CTNNBIP1: variants seen among roughly 807,000 people sequenced by gnomAD.
CTNNBIP1 encodes catenin beta interacting protein 1.
In CTNNBIP1, 7 loss-of-function variants were observed where a neutral mutation model predicts 11.8. The observed-to-expected ratio is 0.60, with a 90% CI of 0.34 to 1.12. The LOEUF is 1.12. Among genes scored for constraint, CTNNBIP1 ranks in the 50% most tolerant of loss-of-function variants. The probability of loss-of-function intolerance (pLI) is 0.03; values close to 1 mark genes in which losing one functional copy is unlikely to be tolerated. For missense variants in CTNNBIP1, 101 were observed against 113.4 expected, an observed-to-expected ratio of 0.89 and a Z score of 0.50; for synonymous variants, 58 against 43.9, an observed-to-expected ratio of 1.32 and a Z score of -1.26.
chr1:9,859,661 T>C (rs1638581954), intron 5 of CTNNBIP1, among the ~76,000 whole-genome samples: 1 of 152,254 alleles, frequency 6.6e-6, no homozygotes, highest in African/African-American at 2.4e-5. Flanking sequence ...CAGGCTGCTA[T>C]TGGCCCTGCA....
At chr1:9,864,547 C>T (rs1345289624) in intron 5 of CTNNBIP1, among the ~76,000 whole-genome samples, 1 of 152,164 alleles carries the variant, frequency 6.6e-6, no homozygotes, top group South Asian at 2.1e-4. Context: ...CCAGGATGGT[C>T]TCAATCTCCT....
At chr1:9,869,580 C>T (rs906608019) in intron 5 of CTNNBIP1, among the ~76,000 whole-genome samples, 2 of 152,162 alleles carry the variant, frequency 1.3e-5, no homozygotes, top group African/African-American at 4.8e-5. Context: ...CTGCCTTGGC[C>T]TCCCAAAATG....
chr1:9,868,543 T>C (rs1570570560), intron 5 of CTNNBIP1, among the ~76,000 whole-genome samples: 1 of 152,192 alleles, frequency 6.6e-6, no homozygotes, highest in African/African-American at 2.4e-5. Context: ...AAGAAACAAA[T>C]GTACAATGTT....
At chr1:9,888,969 C>T (rs1310776739) in intron 1 of CTNNBIP1, among the ~76,000 whole-genome samples, 4 of 152,246 alleles carry the variant, frequency 2.6e-5, no homozygotes, top group Non-Finnish European at 4.4e-5. Context: ...GCTGAGCCGC[C>T]TACCTACTGC....
intron 1 of CTNNBIP1, among the ~76,000 whole-genome samples, chr1:9,904,763 A>G (rs1639585954): frequency 6.6e-6 from 1 of 152,228 alleles, no homozygotes; most frequent in African/African-American, 2.4e-5. Flanking sequence ...CTGCCAAGAT[A>G]AGAAGCTTTA....
chr1:9,892,882 C>G (rs1639338810), intron 1 of CTNNBIP1: 1 of 152,136 alleles, frequency 6.6e-6, no homozygotes, highest in South Asian at 2.1e-4. Flanking sequence ...GAAACCTCCC[C>G]CTAAGAGGCT....
intron 1 of CTNNBIP1, among the ~76,000 whole-genome samples, chr1:9,892,357 G>A (rs1204308070): frequency 6.6e-6 from 1 of 151,584 alleles, no homozygotes; most frequent in Non-Finnish European, 1.5e-5. Context: ...GGGAGGCAGA[G>A]CTTGGAGTGA....
At chr1:9,866,257 G>A (rs377659864) in intron 5 of CTNNBIP1, among the ~76,000 whole-genome samples, 29 of 152,264 alleles carry the variant, frequency 1.9e-4, no homozygotes, top group African/African-American at 6.0e-4. Context: ...GGTTCCTGGC[G>A]GCCAAGAGGC....
chr1:9,908,919 G>C (rs1028506437), intron 1 of CTNNBIP1, among the ~76,000 whole-genome samples: 1 of 152,204 alleles, frequency 6.6e-6, no homozygotes, highest in African/African-American at 2.4e-5. Flanking sequence ...GTATTTACAA[G>C]GGAGGACCAC....
chr1:9,892,250 G>T (rs560611974), intron 1 of CTNNBIP1, among the ~76,000 whole-genome samples: 33 of 152,074 alleles, frequency 2.2e-4, no homozygotes, highest in Middle Eastern at 3.4e-3. Flanking sequence ...GTGAAACCCC[G>T]TCTCTACTAA....
chr1:9,870,391 G>A (rs1278661208), intron 5 of CTNNBIP1, among the ~76,000 whole-genome samples: 2 of 152,196 alleles, frequency 1.3e-5, no homozygotes. Context: ...GCAGCCAAGG[G>A]ACATGGAGCT....
At chr1:9,857,811 A>C (rs566333107) in intron 5 of CTNNBIP1, among the ~76,000 whole-genome samples, 1 of 152,104 alleles carries the variant, frequency 6.6e-6, no homozygotes, top group East Asian at 2.0e-4. Flanking sequence ...AAAAACAATA[A>C]CAACAACAAC....
intron 2 of CTNNBIP1, among the ~76,000 whole-genome samples, chr1:9,878,603 A>C (rs1639019419): frequency 1.3e-5 from 2 of 152,218 alleles, no homozygotes; most frequent in South Asian, 4.1e-4. Flanking sequence ...CTCTGGCAGG[A>C]ATCTCAGAAC....
intron 2 of CTNNBIP1, among the ~76,000 whole-genome samples, chr1:9,880,985 T>C (rs766334949): frequency 1.1e-4 from 17 of 151,998 alleles, no homozygotes; most frequent in Admixed American, 1.3e-4. Flanking sequence ...TGGCCTGCAT[T>C]CAGGAGGGCC....
intron 3 of CTNNBIP1, among the ~76,000 whole-genome samples, chr1:9,873,478 T>A (rs1385930551): frequency 6.6e-6 from 1 of 152,178 alleles, no homozygotes; most frequent in Non-Finnish European, 1.5e-5. Context: ...AGGGAAGCTC[T>A]GTTCTGGGGT....
At chr1:9,870,885 C>A (rs1638846189) in intron 5 of CTNNBIP1, among the ~76,000 whole-genome samples, 1 of 152,240 alleles carries the variant, frequency 6.6e-6, no homozygotes, top group Non-Finnish European at 1.5e-5. Flanking sequence ...TCAGTCTCTG[C>A]AGTTATGAGC....
chr1:9,909,040 A>G (rs915817299), intron 1 of CTNNBIP1, among the ~76,000 whole-genome samples: 4 of 152,212 alleles, frequency 2.6e-5, no homozygotes, highest in Admixed American at 6.5e-5. Context: ...ATCTCTGGAC[A>G]TTTTAATGGC....
At chr1:9,866,043 G>A (rs572001496) in intron 5 of CTNNBIP1, among the ~76,000 whole-genome samples, 1 of 152,322 alleles carries the variant, frequency 6.6e-6, no homozygotes, top group East Asian at 1.9e-4. Context: ...CACCCTTGGG[G>A]ACTAGAACCC....
At chr1:9,868,040 G>A (rs1638784776) in intron 5 of CTNNBIP1, among the ~76,000 whole-genome samples, 1 of 152,198 alleles carries the variant, frequency 6.6e-6, no homozygotes. Context: ...AAATAAATAT[G>A]CTTATGAAAC....
Sources: gnomAD v4.1 joint callset for allele counts (sites outside exome capture counted in the v4.1 genomes callset) on GRCh38, gnomAD v4.1.1 for gene constraint, MANE v1.5 for transcripts, NCBI Gene and HGNC (gene_info 2026-07-23, HGNC 2026-07-21) for gene names.